GNPAT: variants seen among roughly 807,000 people sequenced by gnomAD.
GNPAT encodes the protein dihydroxyacetone phosphate acyltransferase.
Under a neutral mutation model 78.4 loss-of-function variants are expected in GNPAT, and 30 were observed. The observed-to-expected ratio is 0.38, with a 90% CI of 0.29 to 0.52. The LOEUF (loss-of-function observed/expected upper bound fraction) is 0.52. Ranked by LOEUF, GNPAT falls within the 20% of genes least tolerant of loss-of-function variation. The probability of loss-of-function intolerance (pLI) is 0.84; values close to 1 mark genes in which losing one functional copy is unlikely to be tolerated. For synonymous variants in GNPAT, 271 were observed against 281.1 expected (o/e 0.96, Z 0.36); for missense variants, 714 against 812.2 (o/e 0.88, Z 1.47).
intron 10 of GNPAT, among the ~76,000 whole-genome samples, chr1:231,271,636 A>C (rs1471867405): frequency 6.6e-6 from 1 of 152,208 alleles, no homozygotes; most frequent in African/African-American, 2.4e-5. Flanking sequence ...AAAGTGCTAC[A>C]GATATAATAA....
intron 1 of GNPAT, 118 bp downstream of exon 1, chr1:231,241,574 C>G (rs1684606991): frequency 5.1e-6 from 4 of 779,620 alleles, no homozygotes; most frequent in South Asian, 4.1e-5. Flanking sequence ...CCTAGGCTCC[C>G]GAGGAGGGGT....
In GNPAT at chr1:231,270,900, TCTC is replaced by T. The variant is rs1205484770; in HGVS notation, c.1426_1428del (p.Leu476del). 2 of 1,613,812 alleles carry T rather than the reference TCTC, an allele frequency of 1.2e-6. No homozygotes were observed. The highest frequency in any genetic ancestry group is 1.7e-5 in the Admixed American group (1 of 60,006). ...ATGGGCTTATGCTCCAGCACATCAC[TCTC>T]CTCATGTGCTCAGCTTATAGGAACC... On this transcript the variant is annotated inframe_deletion, in exon 10 of 16. Transcript: ENST00000366647.
chr1:231,277,754 A>G lies in GNPAT; in HGVS notation c.*212A>G. 1 of 535,586 alleles carries G rather than the reference A, an allele frequency of 1.9e-6. No homozygotes were observed. The highest frequency in any genetic ancestry group is 2.5e-5 in the South Asian group (1 of 40,616). The allele number at this position is 535,586 out of a possible 1,614,324, so 33.2% of individuals were successfully genotyped here. A position where few individuals can be genotyped will look rare whatever the true frequency, so the allele number is the denominator to read the frequency against. On this transcript the variant is annotated 3_prime_UTR_variant, in exon 16 of 16. Coordinates refer to ENST00000366647, the MANE Select transcript of GNPAT (RefSeq NM_014236.4). ...TTAAAAGGCGTTTGTATCTGACACT[A>G]TGTGTGTGTTTTAAAATAAACTTTT...
intron 2 of GNPAT, among the ~76,000 whole-genome samples, chr1:231,254,981 G>C (rs1246921765): frequency 6.6e-6 from 1 of 151,936 alleles, no homozygotes; most frequent in East Asian, 1.9e-4. Context: ...TTGAACTCCT[G>C]ACCTCAGGTA....
At chr1:231,261,942 A>G (rs903336268) in intron 3 of GNPAT, among the ~76,000 whole-genome samples, 1 of 152,168 alleles carries the variant, frequency 6.6e-6, no homozygotes, top group East Asian at 1.9e-4. Flanking sequence ...TATACCCTGA[A>G]TCTGTCAGAG....
intron 2 of GNPAT, among the ~76,000 whole-genome samples, chr1:231,253,956 G>A (rs1413641944): frequency 6.6e-6 from 1 of 152,164 alleles, no homozygotes; most frequent in South Asian, 2.1e-4. Context: ...GGGATTACAG[G>A]CGCCTGCCAC....
chr1:231,246,757 G>C (rs1486138312), intron 1 of GNPAT, among the ~76,000 whole-genome samples: 1 of 152,186 alleles, frequency 6.6e-6, no homozygotes, highest in Admixed American at 6.5e-5. Flanking sequence ...AAAAGAATTT[G>C]GACAGCTGAG....
intron 1 of GNPAT, among the ~76,000 whole-genome samples, chr1:231,249,605 G>C (rs1228377288): frequency 6.6e-6 from 1 of 152,146 alleles, no homozygotes; most frequent in South Asian, 2.1e-4. Flanking sequence ...CAGTGTTGTG[G>C]GATACATACC....
In GNPAT at chr1:231,262,592, A is replaced by G. The variant is rs1413354734; in HGVS notation, c.439-131A>G. The G allele has an allele frequency of 5.8e-5, 43 of 744,274 alleles. No homozygotes were observed. In the South Asian group the frequency reaches 6.3e-4, roughly 11 times the overall value. The allele number at this position is 744,274 out of a possible 1,614,324, so 46.1% of individuals were successfully genotyped here. ...TTATCAGAGCAAATCGTTTATGTGT[A>G]TGGCAAAAAGGCAGAAAAAGAGGAT... On this transcript the variant is annotated intron_variant, in intron 3 of 15. Coordinates refer to ENST00000366647, the MANE Select transcript of GNPAT (RefSeq NM_014236.4).
At position 231,241,321 on chromosome 1, in the gene GNPAT, G is replaced by T; in HGVS notation, c.-58G>T. 6.8e-7 allele frequency: 1 copy of T among 1,477,818 alleles called. No individual in the cohort carries two copies. Among genetic ancestry groups the T allele is most frequent in the South Asian group, 1.1e-5 (1 of 88,412 alleles). 91.5% of individuals were successfully genotyped at this position (1,477,818 alleles called of 1,614,324 possible). ...TGAGCGAAAGAACCGCCCCCAGCAGGAGCACCACCACGGCTTAGCAAAGAA... is the reference window on the plus strand; with the variant it reads ...TGAGCGAAAGAACCGCCCCCAGCAGTAGCACCACCACGGCTTAGCAAAGAA... On this transcript the variant is annotated 5_prime_UTR_variant, in exon 1 of 16. Coordinates refer to ENST00000366647, the MANE Select transcript of GNPAT (RefSeq NM_014236.4).
intron 2 of GNPAT, among the ~76,000 whole-genome samples, chr1:231,259,715 T>C (rs1348854626): frequency 6.6e-6 from 1 of 151,784 alleles, no homozygotes; most frequent in Non-Finnish European, 1.5e-5. Context: ...AAGGGTAAGA[T>C]ACTTCTTCAC....
intron 1 of GNPAT, among the ~76,000 whole-genome samples, chr1:231,247,062 G>A (rs945337109): frequency 2.6e-5 from 4 of 152,010 alleles, no homozygotes; most frequent in African/African-American, 7.2e-5. Flanking sequence ...CCAGCCGCTC[G>A]GCAGGCTGAG....
intron 12 of GNPAT, among the ~76,000 whole-genome samples, chr1:231,274,604 AAG>A (rs1471820267): frequency 6.6e-6 from 1 of 152,206 alleles, no homozygotes; most frequent in Non-Finnish European, 1.5e-5. Context: ...ACGGGAGAGA[AAG>A]AGTCTGAAAC....
chr1:231,248,280 A>G (rs1182256671), intron 1 of GNPAT, among the ~76,000 whole-genome samples: 2 of 152,224 alleles, frequency 1.3e-5, no homozygotes, highest in African/African-American at 4.8e-5. Flanking sequence ...AAATGTTACT[A>G]AGAAAATCAT....
intron 2 of GNPAT, among the ~76,000 whole-genome samples, chr1:231,255,673 G>T (rs569803912): frequency 1.2e-4 from 18 of 152,170 alleles, no homozygotes; most frequent in African/African-American, 4.1e-4. Context: ...GACCTCAAGC[G>T]ATCCTTCTGC....
At chr1:231,245,437 A>G (rs1346883901) in intron 1 of GNPAT, among the ~76,000 whole-genome samples, 1 of 151,820 alleles carries the variant, frequency 6.6e-6, no homozygotes, top group African/African-American at 2.4e-5. Context: ...GTGTAGAGAC[A>G]GGGCCTCACT....
chr1:231,241,259 A>G lies in GNPAT; in HGVS notation c.-120A>G, dbSNP rs950145264. 8 of 1,433,948 alleles carry G rather than the reference A, an allele frequency of 5.6e-6. No individual in the cohort carries two copies. In the African/African-American group the frequency reaches 7.0e-5, roughly 13 times the overall value. 88.8% of individuals were successfully genotyped at this position (1,433,948 alleles called of 1,614,324 possible). A position where few individuals can be genotyped will look rare whatever the true frequency, so the allele number is the denominator to read the frequency against. ...GCCCGGGATCCTGTGTAGCGGCTGC[A>G]GAGGGTGCCGCCGCCCTAGGCGAAG... On this transcript the variant is annotated 5_prime_UTR_variant, in exon 1 of 16. Transcript: ENST00000366647.
intron 2 of GNPAT, among the ~76,000 whole-genome samples, chr1:231,259,798 G>A (rs1685173830): frequency 6.6e-6 from 1 of 152,122 alleles, no homozygotes; most frequent in Non-Finnish European, 1.5e-5. Flanking sequence ...ACTCTCCTTT[G>A]GGAAGCATAA....
At chr1:231,268,989 ACTGTTCT>A (rs1685473655) in intron 9 of GNPAT, among the ~76,000 whole-genome samples, 1 of 151,510 alleles carries the variant, frequency 6.6e-6, no homozygotes. Context: ...TCAAGTACCT[ACTGTTCT>A]TTGATCAACC....
Sources: gnomAD v4.1 joint callset for allele counts (sites outside exome capture counted in the v4.1 genomes callset) on GRCh38, gnomAD v4.1.1 for gene constraint, MANE v1.5 for transcripts, NCBI Gene and HGNC (gene_info 2026-07-23, HGNC 2026-07-21) for gene names.